Variants in OSBPL11 observed in about 807,000 individuals in gnomAD.
The protein encoded by OSBPL11 is oxysterol binding protein like 11, also known as oxysterol-binding protein-related protein 11.
In OSBPL11, 33 loss-of-function variants were observed where a neutral mutation model predicts 84.4. That is an observed-to-expected ratio of 0.39 (90% CI 0.30 to 0.52). The LOEUF is 0.52. Ranked by LOEUF, OSBPL11 falls within the 20% of genes least tolerant of loss-of-function variation. The pLI is 0.72. For synonymous variants in OSBPL11, 276 were observed against 310.2 expected (o/e 0.89, Z 1.16); for missense variants, 736 against 901.1 (o/e 0.82, Z 2.35).
At chr3:125,581,439 T>C (rs564577230) in intron 2 of OSBPL11, among the ~76,000 whole-genome samples, 1 of 149,872 alleles carries the variant, frequency 6.7e-6, no homozygotes, top group African/African-American at 2.4e-5. Context: ...CACACACCTG[T>C]AATCCCAGCA....
At position 125,578,997 on chromosome 3, in the gene OSBPL11, T is replaced by C. The variant is rs868796993; in HGVS notation, c.452A>G (p.Gln151Arg). 6.3e-7 allele frequency: 1 copy of C among 1,598,424 alleles called. No homozygotes were observed. Among genetic ancestry groups the C allele is most frequent in the Non-Finnish European group, 8.5e-7 (1 of 1,171,864 alleles). Residue 151 changes from glutamine (Q) to arginine (R), a missense_variant, in exon 4 of 13, where the codon CAG becomes CGG. By Grantham distance (43) the Gln-to-Arg change is conservative. Around this residue, in one of 3 missense-constraint regions of OSBPL11, gnomAD observed 43 missense variants for 78.7 expected, o/e 0.55. Transcript: ENST00000296220. ...KERQHWVSRL[Q>R]ICTQHHTEAI... ...TTCAGTATGATGCTGTGTACATATC[T>C]GAAGTCTGCTAACCCAGTGCTGTCG...
At chr3:125,542,546 C>A (rs1971188) in intron 10 of OSBPL11, among the ~76,000 whole-genome samples, 2 of 148,648 alleles carry the variant, frequency 1.3e-5, no homozygotes, top group African/African-American at 5.0e-5. Context: ...CCTCACTTTG[C>A]CGCCCAGGCT....
At chr3:125,563,581 A>C (rs1280861399) in intron 7 of OSBPL11, 117 bp downstream of exon 7, 1 of 965,166 alleles carries the variant, frequency 1.0e-6, no homozygotes, top group East Asian at 2.4e-5. Flanking sequence ...TAGAATCTTC[A>C]AGAGTGTTGC....
intron 5 of OSBPL11, among the ~76,000 whole-genome samples, chr3:125,568,281 A>G (rs1022068745): frequency 6.6e-6 from 1 of 151,918 alleles, no homozygotes; most frequent in African/African-American, 2.4e-5. Context: ...AATACAAAAA[A>G]TTAGCCAGGC....
intron 4 of OSBPL11, among the ~76,000 whole-genome samples, chr3:125,578,483 C>G (rs1409088271): frequency 6.6e-6 from 1 of 152,126 alleles, no homozygotes; most frequent in African/African-American, 2.4e-5. Flanking sequence ...GTGGCTCACA[C>G]CTGTAATTCC....
At chr3:125,590,356 C>T (rs1247921648) in intron 1 of OSBPL11, among the ~76,000 whole-genome samples, 1 of 152,136 alleles carries the variant, frequency 6.6e-6, no homozygotes, top group African/African-American at 2.4e-5. Flanking sequence ...TTGAGACCAG[C>T]CTGGCCAACA....
At position 125,547,633 on chromosome 3, in the gene OSBPL11, G is replaced by T. The variant is rs191358415; in HGVS notation, c.1655-41C>A. The T allele has an allele frequency of 2.9e-3, 4,104 of 1,424,598 alleles. 7 individuals carry two copies. Among genetic ancestry groups the T allele is most frequent in the Non-Finnish European group, 3.6e-3 (3,718 of 1,044,374 alleles). The allele number at this position is 1,424,598 out of a possible 1,614,324, so 88.2% of individuals were successfully genotyped here. A position where few individuals can be genotyped will look rare whatever the true frequency, so the allele number is the denominator to read the frequency against. On this transcript the variant is annotated intron_variant, in intron 9 of 12. Coordinates refer to ENST00000296220, the MANE Select transcript of OSBPL11 (RefSeq NM_022776.5). ...TGAGGGTGGTTAACATCTTTTTAAA[G>T]AAACAGCTAATGAAACAATCCATAT...
At chr3:125,549,913 A>C (rs1347341961) in intron 9 of OSBPL11, among the ~76,000 whole-genome samples, 1 of 152,150 alleles carries the variant, frequency 6.6e-6, no homozygotes. Flanking sequence ...ATGGTTCTAA[A>C]TGTGTCTATT....
At chr3:125,549,735 C>T (rs1342657504) in intron 9 of OSBPL11, among the ~76,000 whole-genome samples, 1 of 152,102 alleles carries the variant, frequency 6.6e-6, no homozygotes, top group African/African-American at 2.4e-5. Flanking sequence ...TATCCTTCCA[C>T]CTCGGCCCAC....
intron 8 of OSBPL11, among the ~76,000 whole-genome samples, chr3:125,559,538 T>C (rs923774588): frequency 3.3e-5 from 5 of 152,024 alleles, no homozygotes; most frequent in Non-Finnish European, 7.4e-5. Context: ...CAGGCCACCA[T>C]GCCCGGCTAA....
intron 10 of OSBPL11, among the ~76,000 whole-genome samples, chr3:125,538,982 T>C (rs1935682521): frequency 6.6e-6 from 1 of 152,074 alleles, no homozygotes; most frequent in South Asian, 2.1e-4. Flanking sequence ...AGTCTAAAAG[T>C]GTTACAACAT....
chr3:125,549,241 C>G (rs1373902944), intron 9 of OSBPL11, among the ~76,000 whole-genome samples: 1 of 152,300 alleles, frequency 6.6e-6, no homozygotes, highest in East Asian at 1.9e-4. Flanking sequence ...CCAGGCTGGT[C>G]TCGAACTCCT....
At chr3:125,550,875 C>T (rs1270572449) in intron 9 of OSBPL11, among the ~76,000 whole-genome samples, 3 of 152,290 alleles carry the variant, frequency 2.0e-5, no homozygotes, top group Non-Finnish European at 4.4e-5. Context: ...AATAGCACCT[C>T]TGGCCTCCAT....
At chr3:125,547,996 C>T (rs1168472461) in intron 9 of OSBPL11, among the ~76,000 whole-genome samples, 1 of 152,118 alleles carries the variant, frequency 6.6e-6, no homozygotes, top group Non-Finnish European at 1.5e-5. Context: ...CCTGCCTCAG[C>T]CTCCCAAGTA....
At chr3:125,530,984 CT>C (rs10663462) in intron 12 of OSBPL11, among the ~76,000 whole-genome samples, 57 of 148,118 alleles carry the variant, frequency 3.8e-4, no homozygotes, top group Middle Eastern at 3.4e-3. Flanking sequence ...TTTTTCTTTC[CT>C]TTTTTTTTTC....
At chr3:125,570,321 C>A (rs1936224228) in intron 5 of OSBPL11, among the ~76,000 whole-genome samples, 2 of 130,460 alleles carry the variant, frequency 1.5e-5, no homozygotes, top group East Asian at 4.2e-4. Context: ...GCAAGACACC[C>A]ATCTCTAGCA....
At chr3:125,573,354 C>T (rs1286405517) in intron 5 of OSBPL11, among the ~76,000 whole-genome samples, 1 of 151,962 alleles carries the variant, frequency 6.6e-6, no homozygotes, top group Non-Finnish European at 1.5e-5. Flanking sequence ...ATTTTAATCA[C>T]TTGTGTTTTA....
chr3:125,534,951 G>GAAAAAAAAAAA lies in OSBPL11; in HGVS notation c.2025-2948_2025-2938dup, dbSNP rs56164804. On this transcript the variant is annotated intron_variant, in intron 11 of 12. Coordinates refer to ENST00000296220, the MANE Select transcript of OSBPL11 (RefSeq NM_022776.5). ...CCTAAGCTTCCATTGTAAGAAATTAGAAAAAAAAAAAAAAAAAAAAAAAAA... is the reference window on the plus strand; with the variant it reads ...CCTAAGCTTCCATTGTAAGAAATTAGAAAAAAAAAAAAAAAAAAAAAAAAAAAAAAAAAAAA... Among the ~76,000 whole-genome samples the GAAAAAAAAAAA allele has an allele frequency of 1.2e-3, 77 of 64,650 alleles. 9 individuals carry two copies. The highest frequency in any genetic ancestry group is 1.3e-3 in the Admixed American group (7 of 5,394). 42.4% of individuals were successfully genotyped at this position (64,650 alleles called of 152,430 possible).
intron 11 of OSBPL11, among the ~76,000 whole-genome samples, chr3:125,535,439 C>CTTTTTTTTTTTT (rs763678488): frequency 4.7e-5 from 4 of 84,280 alleles, no homozygotes; most frequent in African/African-American, 4.6e-5. Context: ...TCAGAAGCAT[C>CTTTTTTTTTTTT]TTTTTTTTTT....
Sources: gnomAD v4.1 joint callset for allele counts (sites outside exome capture counted in the v4.1 genomes callset) on GRCh38, gnomAD v4.1.1 for gene constraint, gnomAD v4.1.1 regional missense constraint, MANE v1.5 for transcripts, NCBI Gene and HGNC (gene_info 2026-07-23, HGNC 2026-07-21) for gene names.